The following EPHA3 variants were observed in gnomAD, a reference collection of about 807,000 sequenced individuals.
The protein encoded by EPHA3 is EPH receptor A3, also known as ephrin type-A receptor 3.
EPHA3 carries 42 observed loss-of-function variants against 107.1 expected under a neutral mutation model. That is an observed-to-expected ratio of 0.39 (90% CI 0.31 to 0.51). The LOEUF (loss-of-function observed/expected upper bound fraction) is 0.51. EPHA3 is among the 20% of genes least tolerant of loss of function. EPHA3 has a pLI of 0.78. For synonymous variants in EPHA3, 461 were observed against 424.8 expected, an observed-to-expected ratio of 1.09 and a Z score of -1.05; for missense variants, 1,183 against 1,211.2, an observed-to-expected ratio of 0.98 and a Z score of 0.35.
At chr3:89,263,882 G>A (rs750256536) in intron 3 of EPHA3, among the ~76,000 whole-genome samples, 19 of 152,032 alleles carry the variant, frequency 1.2e-4, no homozygotes, top group Non-Finnish European at 2.4e-4. Context: ...TCTGCCCTCT[G>A]TCCCTATCAC....
In EPHA3 at chr3:89,382,401, G is replaced by A. The variant is rs183513198; in HGVS notation, c.1307-13436G>A. On this transcript the variant is annotated intron_variant, in intron 5 of 16. Coordinates refer to ENST00000336596, the MANE Select transcript of EPHA3 (RefSeq NM_005233.6). Reference sequence around the variant, plus strand: ...TGGGAACCTGTAATCCCAGCTACTTGGGAGGCTGAGGCAGGAGAATCACTT... The same window carrying A: ...TGGGAACCTGTAATCCCAGCTACTTAGGAGGCTGAGGCAGGAGAATCACTT... Among the ~76,000 whole-genome samples, 24 of 151,936 alleles carry A rather than the reference G, an allele frequency of 1.6e-4. No homozygotes were observed. In the East Asian group the frequency reaches 2.1e-3, roughly 14 times the overall value.
At chr3:89,263,531 A>G (rs1705470732) in intron 3 of EPHA3, among the ~76,000 whole-genome samples, 1 of 152,124 alleles carries the variant, frequency 6.6e-6, no homozygotes. Context: ...CGGGAGCTGA[A>G]AAGGAGATGG....
chr3:89,323,690 T>C lies in EPHA3; in HGVS notation c.815-17226T>C, dbSNP rs372184315. On this transcript the variant is annotated intron_variant, in intron 3 of 16. Transcript: ENST00000336596. ...AGAAATCAAAACCAGTATTCTGGTTTAATAAGTACTATATTCTAAGACAAT... is the reference window on the plus strand; with the variant it reads ...AGAAATCAAAACCAGTATTCTGGTTCAATAAGTACTATATTCTAAGACAAT... Among the ~76,000 whole-genome samples the C allele has an allele frequency of 5.3e-5, 8 of 152,268 alleles. 1 individual carries two copies. The East Asian group carries it at 5.8e-4, about 11-fold the overall frequency.
intron 1 of EPHA3, among the ~76,000 whole-genome samples, chr3:89,109,972 C>T (rs1209436447): frequency 6.6e-6 from 1 of 151,902 alleles, no homozygotes; most frequent in African/African-American, 2.4e-5. Context: ...TTATCCATAG[C>T]TGGGCTCTCA....
At chr3:89,324,094 T>C (rs755103330) in intron 3 of EPHA3, among the ~76,000 whole-genome samples, 17 of 151,886 alleles carry the variant, frequency 1.1e-4, no homozygotes, top group Non-Finnish European at 1.9e-4. Context: ...AGCCATTCCT[T>C]CTGTAACTCA....
intron 5 of EPHA3, among the ~76,000 whole-genome samples, chr3:89,388,798 G>A (rs1035695722): frequency 2.6e-5 from 4 of 152,092 alleles, no homozygotes; most frequent in Admixed American, 6.5e-5. Context: ...TCTCCAGACC[G>A]TTCTGTTGGA....
chr3:89,252,179 C>G (rs1705179152), intron 3 of EPHA3, among the ~76,000 whole-genome samples: 1 of 152,000 alleles, frequency 6.6e-6, no homozygotes, highest in Non-Finnish European at 1.5e-5. Flanking sequence ...TACTGCAAAC[C>G]ATTTCCAAAT....
intron 5 of EPHA3, among the ~76,000 whole-genome samples, chr3:89,370,877 A>C (rs571446118): frequency 6.6e-6 from 1 of 151,644 alleles, no homozygotes; most frequent in Non-Finnish European, 1.5e-5. Flanking sequence ...GAAGTTGCTA[A>C]GACTTGAAAT....
chr3:89,476,118 T>G (rs1710499283), intron 16 of EPHA3, among the ~76,000 whole-genome samples: 1 of 147,556 alleles, frequency 6.8e-6, no homozygotes, highest in Non-Finnish European at 1.5e-5. Context: ...TATATAAATA[T>G]ATAAAAATAT....
At chr3:89,374,263 G>A (rs1368214556) in intron 5 of EPHA3, among the ~76,000 whole-genome samples, 3 of 151,840 alleles carry the variant, frequency 2.0e-5, no homozygotes, top group Non-Finnish European at 2.9e-5. Context: ...GAATTAAATG[G>A]GTCCTTGCCA....
intron 3 of EPHA3, among the ~76,000 whole-genome samples, chr3:89,293,689 C>G (rs1416625708): frequency 2.0e-5 from 3 of 152,090 alleles, no homozygotes; most frequent in Non-Finnish European, 4.4e-5. Flanking sequence ...CTCTTTCTCT[C>G]TTTTCTGCTG....
chr3:89,298,212 TG>T (rs1178838802), intron 3 of EPHA3, among the ~76,000 whole-genome samples: 1 of 152,126 alleles, frequency 6.6e-6, no homozygotes, highest in African/African-American at 2.4e-5. Flanking sequence ...TGGTCACACA[TG>T]GGTTGATTGG....
chr3:89,350,905 G>C (rs1403221232), intron 5 of EPHA3, among the ~76,000 whole-genome samples: 2 of 151,326 alleles, frequency 1.3e-5, no homozygotes, highest in African/African-American at 4.8e-5. Flanking sequence ...CCCTGCTGGG[G>C]GATGCTTCCC....
chr3:89,157,453 T>C (rs1387625543), intron 2 of EPHA3, among the ~76,000 whole-genome samples: 1 of 152,048 alleles, frequency 6.6e-6, no homozygotes, highest in Non-Finnish European at 1.5e-5. Context: ...ACCAGATCTC[T>C]TGCAAAGTTG....
intron 1 of EPHA3, among the ~76,000 whole-genome samples, chr3:89,111,437 G>A (rs1358023485): frequency 2.6e-5 from 4 of 151,804 alleles, no homozygotes; most frequent in African/African-American, 4.8e-5. Context: ...ATTTCATCAT[G>A]CTAGACTAAA....
chr3:89,311,702 G>C (rs1706770279), intron 3 of EPHA3, among the ~76,000 whole-genome samples: 1 of 152,006 alleles, frequency 6.6e-6, no homozygotes, highest in South Asian at 2.1e-4. Context: ...AATAGGGATT[G>C]TCTTTCTTCA....
chr3:89,231,839 G>A (rs1704641560), intron 3 of EPHA3, among the ~76,000 whole-genome samples: 1 of 152,138 alleles, frequency 6.6e-6, no homozygotes, highest in East Asian at 1.9e-4. Context: ...AAAGATCCAG[G>A]GAAAAGTGTA....
chr3:89,192,845 G>T, intron 2 of EPHA3, among the ~76,000 whole-genome samples: 1 of 152,020 alleles, frequency 6.6e-6, no homozygotes, highest in East Asian at 1.9e-4. Context: ...CTAATTCAGA[G>T]TAAGTAACTG....
At chr3:89,201,814 T>C (rs1324468055) in intron 2 of EPHA3, among the ~76,000 whole-genome samples, 2 of 152,120 alleles carry the variant, frequency 1.3e-5, no homozygotes, top group African/African-American at 2.4e-5. Context: ...CAGGGTAAAA[T>C]TGGTTTTGTT....
Sources: allele counts gnomAD v4.1 joint callset (sites outside exome capture counted in the v4.1 genomes callset), GRCh38; gene constraint gnomAD v4.1.1; transcripts MANE v1.5; gene names NCBI Gene and HGNC (gene_info 2026-07-23, HGNC 2026-07-21).